Variants in TRIP12 observed in about 807,000 individuals in gnomAD.
The protein encoded by TRIP12 is thyroid hormone receptor interactor 12.
In TRIP12, 25 loss-of-function variants were observed where a neutral mutation model predicts 244.2. The ratio of observed to expected loss-of-function variants is 0.10; its 90% confidence interval spans 0.07 to 0.14. The LOEUF (loss-of-function observed/expected upper bound fraction) is 0.14. Ranked by LOEUF, TRIP12 falls within the 10% of genes least tolerant of loss-of-function variation. TRIP12 has a pLI of 1.00. For synonymous variants in TRIP12, 905 were observed against 873.1 expected (o/e 1.04, Z -0.64); for missense variants, 1,677 against 2,486.4 (o/e 0.67, Z 6.92).
intron 25 of TRIP12, among the ~76,000 whole-genome samples, chr2:229,796,043 T>C (rs546199869): frequency 6.6e-6 from 1 of 152,334 alleles, no homozygotes; most frequent in South Asian, 2.1e-4. Flanking sequence ...AGGAGAATGC[T>C]GTCAACAGCA....
intron 26 of TRIP12, 113 bp downstream of exon 26, chr2:229,795,066 G>A: frequency 7.9e-7 from 1 of 1,258,906 alleles, no homozygotes; most frequent in Non-Finnish European, 1.1e-6. Flanking sequence ...CATCATTACA[G>A]CTGAATGTTT....
At chr2:229,824,534 A>C (rs983373656) in intron 8 of TRIP12, among the ~76,000 whole-genome samples, 2 of 152,256 alleles carry the variant, frequency 1.3e-5, no homozygotes, top group Non-Finnish European at 2.9e-5. Context: ...CTGAAAACTC[A>C]AATGTCCAAC....
chr2:229,807,653 T>C, intron 17 of TRIP12, 55 bp downstream of exon 17: 1 of 1,605,406 alleles, frequency 6.2e-7, no homozygotes, highest in Non-Finnish European at 8.5e-7. Context: ...ATTCCATCCC[T>C]ACACCCACTC....
chr2:229,859,854 A>G (rs2060179915), intron 3 of TRIP12, among the ~76,000 whole-genome samples: 1 of 152,234 alleles, frequency 6.6e-6, no homozygotes, highest in Non-Finnish European at 1.5e-5. Flanking sequence ...TTAAGATTAC[A>G]AGAAAAACAA....
chr2:229,897,862 T>C (rs1322217735), intron 1 of TRIP12, among the ~76,000 whole-genome samples: 1 of 152,190 alleles, frequency 6.6e-6, no homozygotes, highest in Non-Finnish European at 1.5e-5. Flanking sequence ...CTATGAATGC[T>C]GCAACATAAT....
intron 38 of TRIP12, 68 bp downstream of exon 38, chr2:229,774,029 C>G (rs886843641): frequency 2.5e-5 from 38 of 1,526,916 alleles, no homozygotes; most frequent in Non-Finnish European, 3.1e-5. Flanking sequence ...CAGCCAGAAG[C>G]AAGGTACAAT....
At chr2:229,882,864 C>G (rs1055063797) in intron 1 of TRIP12, among the ~76,000 whole-genome samples, 2 of 152,152 alleles carry the variant, frequency 1.3e-5, no homozygotes, top group Non-Finnish European at 2.9e-5. Context: ...CAACCAGCAC[C>G]ATTATCAGCC....
chr2:229,864,494 CAAG>C (rs1428095217), intron 2 of TRIP12, among the ~76,000 whole-genome samples: 1 of 151,564 alleles, frequency 6.6e-6, no homozygotes, highest in Non-Finnish European at 1.5e-5. Flanking sequence ...TTTGACAGTA[CAAG>C]GTATGGTGGT....
chr2:229,901,858 C>T (rs1381755171), intron 1 of TRIP12, among the ~76,000 whole-genome samples: 1 of 151,976 alleles, frequency 6.6e-6, no homozygotes, highest in Non-Finnish European at 1.5e-5. Flanking sequence ...GACAGGGTTC[C>T]CTACCCAAAT....
At chr2:229,810,701 AT>A (rs1263260903) in intron 15 of TRIP12, among the ~76,000 whole-genome samples, 178 bp downstream of exon 15, 1 of 152,234 alleles carries the variant, frequency 6.6e-6, no homozygotes, top group Admixed American at 6.5e-5. Flanking sequence ...TAAAAGGAGT[AT>A]GTTAGAAACA....
intron 2 of TRIP12, among the ~76,000 whole-genome samples, chr2:229,867,167 G>GTTTTTT (rs1359589033): frequency 5.2e-5 from 3 of 58,164 alleles, no homozygotes; most frequent in Admixed American, 2.0e-4. Flanking sequence ...TTGTTTGTTT[G>GTTTTTT]TTTGTTTTTT....
chr2:229,818,310 G>A (rs964885554), intron 9 of TRIP12, 54 bp downstream of exon 9: 23 of 1,567,180 alleles, frequency 1.5e-5, no homozygotes, highest in South Asian at 5.8e-5. Context: ...GTACAAAATC[G>A]GCAGATTTCA....
At chr2:229,850,974 C>A (rs1259894274) in intron 4 of TRIP12, among the ~76,000 whole-genome samples, 1 of 152,230 alleles carries the variant, frequency 6.6e-6, no homozygotes, top group Non-Finnish European at 1.5e-5. Flanking sequence ...CTCGGGAGAG[C>A]AGCCCACCAT....
intron 28 of TRIP12, 42 bp downstream of exon 28, chr2:229,792,111 T>C (rs754811463): frequency 6.2e-7 from 1 of 1,613,982 alleles, no homozygotes; most frequent in Non-Finnish European, 8.5e-7. Context: ...GGCCCTGAAC[T>C]TTATATAGTA....
At chr2:229,872,113 A>AG (rs1449735409) in intron 2 of TRIP12, among the ~76,000 whole-genome samples, 18 of 87,068 alleles carry the variant, frequency 2.1e-4, no homozygotes, top group Admixed American at 1.0e-3. Context: ...GTAAAAAAAA[A>AG]AAAAAAAAAA....
chr2:229,864,090 G>A (rs913230472), intron 2 of TRIP12, among the ~76,000 whole-genome samples: 14 of 148,896 alleles, frequency 9.4e-5, no homozygotes, highest in South Asian at 2.1e-4. Flanking sequence ...ACGCGCACAC[G>A]TGCACACATG....
At chr2:229,858,539 A>C (rs2059998071) in intron 4 of TRIP12, among the ~76,000 whole-genome samples, 1 of 152,182 alleles carries the variant, frequency 6.6e-6, no homozygotes, top group African/African-American at 2.4e-5. Context: ...CACAGACACT[A>C]AAATGTGATG....
intron 2 of TRIP12, among the ~76,000 whole-genome samples, chr2:229,864,818 T>C (rs1169138174): frequency 6.6e-6 from 1 of 152,206 alleles, no homozygotes; most frequent in African/African-American, 2.4e-5. Context: ...TCAAGATCAT[T>C]ATGTGCTTTC....
chr2:229,790,876 T>C (rs1023857587), intron 30 of TRIP12, among the ~76,000 whole-genome samples: 1 of 144,282 alleles, frequency 6.9e-6, no homozygotes, highest in African/African-American at 2.6e-5. Context: ...AAACCTGAAC[T>C]CTTATATGAA....
Sources: allele counts gnomAD v4.1 joint callset (sites outside exome capture counted in the v4.1 genomes callset), GRCh38; gene constraint gnomAD v4.1.1; transcripts MANE v1.5; gene names NCBI Gene and HGNC (gene_info 2026-07-23, HGNC 2026-07-21).